The following RBMS3 variants were observed in gnomAD, a reference collection of about 807,000 sequenced individuals.
RBMS3 encodes RNA binding motif single stranded interacting protein 3.
A neutral mutation model predicts 66.8 loss-of-function variants in RBMS3; 27 were observed. The ratio of observed to expected loss-of-function variants is 0.40; its 90% CI spans 0.30 to 0.56. RBMS3 has a LOEUF of 0.56. Among genes scored for constraint, RBMS3 ranks in the 20% least tolerant of loss-of-function variants. The probability of loss-of-function intolerance (pLI) is 0.40; values close to 1 mark genes in which losing one functional copy is unlikely to be tolerated. For synonymous variants in RBMS3, 188 were observed against 183.0 expected (o/e 1.03, Z -0.22); for missense variants, 513 against 549.5 (o/e 0.93, Z 0.66).
At chr3:29,484,012 T>A (rs931887733) in intron 2 of RBMS3, among the ~76,000 whole-genome samples, 5 of 152,236 alleles carry the variant, frequency 3.3e-5, no homozygotes, top group African/African-American at 1.2e-4. Context: ...AAGGACCAGG[T>A]TCTGGATTAT....
At chr3:29,325,426 A>G (rs2035263729) in intron 1 of RBMS3, among the ~76,000 whole-genome samples, 1 of 151,982 alleles carries the variant, frequency 6.6e-6, no homozygotes, top group South Asian at 2.1e-4. Flanking sequence ...TATCCATCCA[A>G]AAAGTGAAAT....
chr3:29,991,400 C>T, intron 14 of RBMS3, 191 bp downstream of exon 14: 2 of 844,030 alleles, frequency 2.4e-6, no homozygotes, highest in South Asian at 3.7e-5. Flanking sequence ...CTGATCTTGA[C>T]AGGAATCAAA....
At chr3:29,867,345 A>G (rs2059387988) in intron 6 of RBMS3, among the ~76,000 whole-genome samples, 2 of 151,578 alleles carry the variant, frequency 1.3e-5, no homozygotes, top group Non-Finnish European at 2.9e-5. Flanking sequence ...ATGAAACAAT[A>G]AAGATTTCTT....
At chr3:29,496,211 A>G (rs1362133193) in intron 3 of RBMS3, among the ~76,000 whole-genome samples, 1 of 144,158 alleles carries the variant, frequency 6.9e-6, no homozygotes, top group East Asian at 2.1e-4. Context: ...AAAAAAAAAA[A>G]AAGAAAAAAA....
intron 1 of RBMS3, among the ~76,000 whole-genome samples, chr3:29,387,611 A>G (rs1244399086): frequency 6.6e-6 from 1 of 152,116 alleles, no homozygotes; most frequent in Admixed American, 6.6e-5. Context: ...ACGTTTTAAA[A>G]TGTATAGATG....
At chr3:29,800,449 CAT>C (rs2057353569) in intron 6 of RBMS3, among the ~76,000 whole-genome samples, 2 of 152,048 alleles carry the variant, frequency 1.3e-5, no homozygotes, top group South Asian at 2.1e-4. Context: ...GTTTGAATGA[CAT>C]AGAATCAAAT....
intron 3 of RBMS3, among the ~76,000 whole-genome samples, chr3:29,552,587 G>T (rs902172815): frequency 6.6e-6 from 1 of 152,086 alleles, no homozygotes; most frequent in African/African-American, 2.4e-5. Context: ...TAAGCAAAAA[G>T]TGAATAGCAG....
intron 6 of RBMS3, among the ~76,000 whole-genome samples, chr3:29,785,695 A>G (rs540798177): frequency 2.6e-5 from 4 of 152,226 alleles, no homozygotes; most frequent in African/African-American, 9.6e-5. Flanking sequence ...ACATACCTTA[A>G]CATAATAAAA....
At chr3:29,550,276 C>G (rs1462800719) in intron 3 of RBMS3, among the ~76,000 whole-genome samples, 1 of 152,066 alleles carries the variant, frequency 6.6e-6, no homozygotes, top group Non-Finnish European at 1.5e-5. Flanking sequence ...TAAGTCACAC[C>G]GTGAAGTTCT....
intron 4 of RBMS3, among the ~76,000 whole-genome samples, chr3:29,609,259 T>TGG (rs1243741825): frequency 1.2e-4 from 19 of 152,050 alleles, no homozygotes; most frequent in African/African-American, 4.6e-4. Flanking sequence ...AATGTAGTAC[T>TGG]GGTCCAGACT....
intron 1 of RBMS3, among the ~76,000 whole-genome samples, chr3:29,302,411 T>A (rs879299128): frequency 6.6e-6 from 1 of 151,988 alleles, no homozygotes; most frequent in Non-Finnish European, 1.5e-5. Context: ...TAATAAAAAT[T>A]GTTGTTTATG....
At chr3:29,536,355 A>T (rs1305016360) in intron 3 of RBMS3, among the ~76,000 whole-genome samples, 3 of 152,186 alleles carry the variant, frequency 2.0e-5, no homozygotes, top group Non-Finnish European at 4.4e-5. Context: ...CTAAATCAGC[A>T]TGTATTAATT....
chr3:29,389,960 G>A (rs1239707073), intron 1 of RBMS3, among the ~76,000 whole-genome samples: 1 of 152,160 alleles, frequency 6.6e-6, no homozygotes, highest in African/African-American at 2.4e-5. Context: ...GCTACTGAAA[G>A]TGGTCACTAT....
At chr3:29,500,513 A>T (rs1225921859) in intron 3 of RBMS3, among the ~76,000 whole-genome samples, 2 of 151,686 alleles carry the variant, frequency 1.3e-5, no homozygotes, top group Non-Finnish European at 2.9e-5. Flanking sequence ...GGTCATCGAC[A>T]AAACTCATAT....
chr3:29,697,735 C>A (rs572434659), intron 4 of RBMS3, among the ~76,000 whole-genome samples: 2 of 152,120 alleles, frequency 1.3e-5, no homozygotes, highest in African/African-American at 4.8e-5. Context: ...TAATTTTATA[C>A]ACTATTTGAA....
chr3:29,577,038 T>C (rs1229792112), intron 3 of RBMS3, among the ~76,000 whole-genome samples: 1 of 152,016 alleles, frequency 6.6e-6, no homozygotes, highest in African/African-American at 2.4e-5. Context: ...TTCCTCTACA[T>C]CTCAGAGCCC....
chr3:29,365,577 G>A (rs189092318), intron 1 of RBMS3, among the ~76,000 whole-genome samples: 79 of 152,078 alleles, frequency 5.2e-4, no homozygotes, highest in Admixed American at 3.3e-3. Context: ...TATTCTTTGC[G>A]TTAAGTCTCT....
chr3:29,604,245 T>C (rs7634557), intron 4 of RBMS3, among the ~76,000 whole-genome samples: 31,246 of 151,930 alleles, frequency 0.21, 3,841 homozygotes, highest in East Asian at 0.36. Flanking sequence ...AATATAATTG[T>C]GAGTGTATAA....
chr3:29,437,913 G>A (rs748755980), intron 2 of RBMS3, among the ~76,000 whole-genome samples: 7 of 152,010 alleles, frequency 4.6e-5, no homozygotes, highest in South Asian at 2.1e-4. Flanking sequence ...CAATCCCCTC[G>A]TGCAGTGTTG....
Sources: allele counts gnomAD v4.1 joint callset (sites outside exome capture counted in the v4.1 genomes callset), GRCh38; gene constraint gnomAD v4.1.1; transcripts MANE v1.5; gene names NCBI Gene and HGNC (gene_info 2026-07-23, HGNC 2026-07-21).